Variants in GRIK1 observed in about 807,000 individuals in gnomAD.
GRIK1 encodes glutamate receptor ionotropic, kainate 1.
In GRIK1, 69 loss-of-function variants were observed where a neutral mutation model predicts 105.7. The ratio of observed to expected loss-of-function variants is 0.65; its 90% CI spans 0.54 to 0.80. The LOEUF (loss-of-function observed/expected upper bound fraction) is 0.80. Ranked by LOEUF, GRIK1 falls within the 30% of genes least tolerant of loss-of-function variation. The probability of loss-of-function intolerance (pLI) is 0.00; values close to 1 mark genes in which losing one functional copy is unlikely to be tolerated. For missense variants in GRIK1, 1,109 were observed against 1,167.3 expected (o/e 0.95, Z 0.73); for synonymous variants, 438 against 431.3 (o/e 1.02, Z -0.19).
At chr21:29,614,280 A>G (rs947194341) in intron 7 of GRIK1, among the ~76,000 whole-genome samples, 1 of 151,650 alleles carries the variant, frequency 6.6e-6, no homozygotes, top group East Asian at 1.9e-4. Flanking sequence ...ATCTCTGTGC[A>G]TTTTCCAGTG....
At chr21:29,645,664 A>G (rs966278053) in intron 6 of GRIK1, among the ~76,000 whole-genome samples, 1 of 152,238 alleles carries the variant, frequency 6.6e-6, no homozygotes, top group African/African-American at 2.4e-5. Flanking sequence ...CTAATAAACT[A>G]CCACTGATTT....
chr21:29,661,983 C>A (rs373368931), intron 4 of GRIK1, among the ~76,000 whole-genome samples: 2 of 152,154 alleles, frequency 1.3e-5, no homozygotes, highest in African/African-American at 4.8e-5. Context: ...AATCCAGCCC[C>A]TTTTTCTCCT....
chr21:29,882,527 A>G (rs1390319733), intron 1 of GRIK1, among the ~76,000 whole-genome samples: 1 of 152,074 alleles, frequency 6.6e-6, no homozygotes. Context: ...GTGCTCTCAC[A>G]ATGACACTCC....
intron 7 of GRIK1, among the ~76,000 whole-genome samples, chr21:29,603,462 G>C (rs537691513): frequency 2.6e-5 from 4 of 152,132 alleles, no homozygotes; most frequent in African/African-American, 9.7e-5. Flanking sequence ...ATGGTCAGTA[G>C]TAACACCTAT....
intron 8 of GRIK1, 114 bp from the exon 9 acceptor site, chr21:29,596,684 T>C: frequency 3.8e-6 from 3 of 791,316 alleles, no homozygotes; most frequent in South Asian, 2.8e-5. Flanking sequence ...TCCCACCCAT[T>C]GTTTGGAATT....
intron 8 of GRIK1, among the ~76,000 whole-genome samples, chr21:29,596,971 AACAC>A (rs3831784): frequency 4.6e-5 from 7 of 151,002 alleles, no homozygotes; most frequent in Non-Finnish European, 8.9e-5. Context: ...CACACACACA[AACAC>A]ACACACACAC....
At chr21:29,707,450 C>CCCTCCCTCCCTTCCTTCCTTCCTT (rs1322428715) in intron 1 of GRIK1, among the ~76,000 whole-genome samples, 19 of 71,542 alleles carry the variant, frequency 2.7e-4, no homozygotes, top group Non-Finnish European at 3.8e-4. Context: ...CTCCCTCCCT[C>CCCTCCCTCCCTTCCTTCCTTCCTT]CCTCCCTCCC....
chr21:29,760,261 C>A lies in GRIK1; in HGVS notation c.119-66198G>T, dbSNP rs116045644. The A allele has an allele frequency of 9.2e-3, 1,404 of 152,378 alleles. 21 individuals are homozygous for A. Among genetic ancestry groups the A allele is most frequent in the African/African-American group, 0.032 (1,342 of 41,558 alleles). The allele number at this position is 152,378 out of a possible 1,614,324, so 9.4% of individuals were successfully genotyped here. A position where few individuals can be genotyped will look rare whatever the true frequency, so the allele number is the denominator to read the frequency against. On this transcript the variant is annotated intron_variant, in intron 1 of 17. Transcript: ENST00000327783. ...ACCTCCAACATGCTCTTGTTTGTGG[C>A]CTGGTCGTCAGAGTATATGCGCTGG... is the stretch of plus-strand genomic sequence containing the variant.
intron 7 of GRIK1, among the ~76,000 whole-genome samples, chr21:29,620,141 C>T (rs547308270): frequency 3.9e-5 from 6 of 152,262 alleles, no homozygotes; most frequent in South Asian, 2.1e-4. Context: ...AGAAGTTATT[C>T]GCCAAGTAAT....
chr21:29,912,616 A>G (rs555614286), intron 1 of GRIK1, among the ~76,000 whole-genome samples: 5 of 152,148 alleles, frequency 3.3e-5, no homozygotes, highest in African/African-American at 1.2e-4. Context: ...ATTTTTGTAA[A>G]TTAAGTTATA....
chr21:29,916,427 G>A (rs1451225312), intron 1 of GRIK1, among the ~76,000 whole-genome samples: 4 of 151,876 alleles, frequency 2.6e-5, no homozygotes, highest in African/African-American at 9.7e-5. Flanking sequence ...AGTAAGGAAA[G>A]CTAATAACCT....
intron 1 of GRIK1, among the ~76,000 whole-genome samples, chr21:29,936,872 A>G (rs1236561557): frequency 6.6e-6 from 1 of 152,248 alleles, no homozygotes; most frequent in Non-Finnish European, 1.5e-5. Context: ...TCTCTATATG[A>G]GGACCCAGTA....
At chr21:29,828,484 G>A (rs1017753196) in intron 1 of GRIK1, among the ~76,000 whole-genome samples, 2 of 151,906 alleles carry the variant, frequency 1.3e-5, no homozygotes, top group African/African-American at 2.4e-5. Context: ...TTTATATTAT[G>A]TATTTTCCTT....
intron 10 of GRIK1, among the ~76,000 whole-genome samples, chr21:29,589,792 AT>A (rs2061306521): frequency 6.6e-6 from 1 of 151,992 alleles, no homozygotes; most frequent in South Asian, 2.1e-4. Context: ...CATTCTTTGC[AT>A]TTCCTATCTA....
At chr21:29,917,659 T>A (rs952816274) in intron 1 of GRIK1, among the ~76,000 whole-genome samples, 1 of 152,064 alleles carries the variant, frequency 6.6e-6, no homozygotes, top group East Asian at 1.9e-4. Context: ...TCTCTAAGCA[T>A]TTTTTTCTAA....
At chr21:29,747,699 C>T (rs1415173680) in intron 1 of GRIK1, among the ~76,000 whole-genome samples, 6 of 152,032 alleles carry the variant, frequency 3.9e-5, no homozygotes, top group African/African-American at 7.2e-5. Context: ...CGTGGTGGCA[C>T]GTGCCTGTAG....
At chr21:29,692,084 T>A (rs2063594983) in intron 2 of GRIK1, among the ~76,000 whole-genome samples, 1 of 152,206 alleles carries the variant, frequency 6.6e-6, no homozygotes, top group Admixed American at 6.5e-5. Flanking sequence ...GGATTGAGAT[T>A]CCTGTTAATA....
Position 29,754,013 on chromosome 21 carries a change from T to C in GRIK1, c.119-59950A>G, listed in dbSNP as rs557649017. On this transcript the variant is annotated intron_variant, in intron 1 of 17. Coordinates refer to ENST00000327783, the MANE Select transcript of GRIK1 (RefSeq NM_001330994.2). ...TCCTTCAAAGTTAGGTATCCTTTAC[T>C]AGGCAGGCAGACTCATTACCAAAAC... Among the ~76,000 whole-genome samples the C allele has an allele frequency of 9.8e-4, 149 of 152,302 alleles. 3 individuals carry two copies. In the South Asian group the frequency reaches 0.03, roughly 30 times the overall value.
chr21:29,731,552 C>A (rs2146899165), intron 1 of GRIK1, among the ~76,000 whole-genome samples: 1 of 152,284 alleles, frequency 6.6e-6, no homozygotes, highest in Admixed American at 6.5e-5. Context: ...TATAGCTGAT[C>A]TGGGCACAAC....
Sources: gnomAD v4.1 joint callset for allele counts (sites outside exome capture counted in the v4.1 genomes callset) on GRCh38, gnomAD v4.1.1 for gene constraint, MANE v1.5 for transcripts, NCBI Gene and HGNC (gene_info 2026-07-23, HGNC 2026-07-21) for gene names.